The following RSRC1 variants were observed in gnomAD, a reference collection of about 807,000 sequenced individuals.
The protein encoded by RSRC1 is arginine and serine rich coiled-coil 1.
In RSRC1, 39 loss-of-function variants were observed where a neutral mutation model predicts 49.1. That is an observed-to-expected ratio of 0.79 (90% CI 0.61 to 1.04). RSRC1 has a LOEUF of 1.04. Among genes scored for constraint, RSRC1 ranks in the 50% least tolerant of loss-of-function variants. The pLI, the probability that RSRC1 is intolerant of heterozygous loss-of-function variation, is 0.00. For synonymous variants in RSRC1, 143 were observed against 130.8 expected, an observed-to-expected ratio of 1.09 and a Z score of -0.63; for missense variants, 388 against 402.4, an observed-to-expected ratio of 0.96 and a Z score of 0.31.
rs114893830 is a variant in RSRC1, at chr3:158,260,252, C to T, written c.495-37787C>T. ...CCTGTAGTACATACTATTCAGGGCT[C>T]AAAGGCTCTTTAGTTAACAGTTGAT... On this transcript the variant is annotated intron_variant, in intron 4 of 9. Transcript: ENST00000611884. Among the ~76,000 whole-genome samples the T allele has an allele frequency of 4.3e-3, 650 of 152,286 alleles. 4 individuals carry two copies. Among genetic ancestry groups the T allele is most frequent in the African/African-American group, 0.015 (622 of 41,548 alleles).
intron 3 of RSRC1, among the ~76,000 whole-genome samples, chr3:158,160,646 T>C (rs1181232938): frequency 1.3e-5 from 2 of 152,182 alleles, no homozygotes; most frequent in Admixed American, 1.3e-4. Flanking sequence ...ACTACTTTAA[T>C]GGGTGTTTAC....
At position 158,388,603 on chromosome 3, in the gene RSRC1, G is replaced by A. The variant is rs182739047; in HGVS notation, c.583+33695G>A. 1.2e-4 allele frequency among the ~76,000 whole-genome samples: 14 copies of A among 118,552 alleles called. No homozygotes were observed. In the East Asian group the frequency reaches 3.0e-3, roughly 25 times the overall value. 77.8% of individuals were successfully genotyped at this position (118,552 alleles called of 152,430 possible). A position where few individuals can be genotyped will look rare whatever the true frequency, so the allele number is the denominator to read the frequency against. On this transcript the variant is annotated intron_variant, in intron 6 of 9. Coordinates refer to ENST00000611884, the MANE Select transcript of RSRC1 (RefSeq NM_001271838.2). ...AGGCATTTGGGGAGCCAAATTAGCC[G>A]TGTTTTTTGTTTTTTTTTTTTTTTT...
chr3:158,167,895 C>T (rs1226480518), intron 3 of RSRC1, among the ~76,000 whole-genome samples: 3 of 152,110 alleles, frequency 2.0e-5, no homozygotes, highest in Non-Finnish European at 4.4e-5. Flanking sequence ...GGTACAACTA[C>T]GTCAGGAACC....
At chr3:158,504,882 T>G (rs1739781675) in intron 7 of RSRC1, among the ~76,000 whole-genome samples, 1 of 152,228 alleles carries the variant, frequency 6.6e-6, no homozygotes, top group Admixed American at 6.5e-5. Flanking sequence ...CACTAGTTAT[T>G]AAGTGTATTA....
chr3:158,404,805 G>A (rs1734073324), intron 6 of RSRC1, among the ~76,000 whole-genome samples: 1 of 151,852 alleles, frequency 6.6e-6, no homozygotes, highest in African/African-American at 2.4e-5. Context: ...ATGAATACGG[G>A]TTGATTACAT....
intron 6 of RSRC1, among the ~76,000 whole-genome samples, chr3:158,393,745 G>C (rs1053118586): frequency 1.3e-5 from 2 of 151,958 alleles, no homozygotes; most frequent in Non-Finnish European, 2.9e-5. Flanking sequence ...ATAAAGAAGA[G>C]CTGATACTAT....
At chr3:158,467,468 T>G (rs537031817) in intron 7 of RSRC1, among the ~76,000 whole-genome samples, 4 of 152,348 alleles carry the variant, frequency 2.6e-5, no homozygotes, top group Non-Finnish European at 5.9e-5. Flanking sequence ...AGTTACATAG[T>G]GCGTATGAAA....
In RSRC1 at chr3:158,415,813, G is replaced by C. The variant is rs1179223898; in HGVS notation, c.584-45122G>C. On this transcript the variant is annotated intron_variant, in intron 6 of 9. Transcript: ENST00000611884. ...ATTAAAATAAATTATTGTTATAATT[G>C]GTTCATGGAAGTACTCATTAATAGC... Among the ~76,000 whole-genome samples, 3 of 151,796 alleles carry C rather than the reference G, an allele frequency of 2.0e-5. No homozygotes were observed. In the East Asian group the frequency reaches 5.8e-4, roughly 30 times the overall value.
chr3:158,523,496 C>G (rs1033173504), intron 7 of RSRC1, among the ~76,000 whole-genome samples: 3 of 151,840 alleles, frequency 2.0e-5, no homozygotes, highest in African/African-American at 7.3e-5. Context: ...AAAATATAAA[C>G]CTTATCTCTC....
chr3:158,264,553 A>G (rs1021556519), intron 4 of RSRC1, among the ~76,000 whole-genome samples: 3 of 152,146 alleles, frequency 2.0e-5, no homozygotes, highest in Non-Finnish European at 4.4e-5. Flanking sequence ...CACATCTACT[A>G]TGTCCTTTCT....
intron 6 of RSRC1, among the ~76,000 whole-genome samples, chr3:158,365,379 A>G (rs1450876911): frequency 6.0e-5 from 9 of 151,182 alleles, no homozygotes; most frequent in African/African-American, 2.2e-4. Flanking sequence ...ACTCCCACTT[A>G]TGAGTGAGAA....
intron 4 of RSRC1, among the ~76,000 whole-genome samples, chr3:158,242,269 T>C (rs1468769343): frequency 1.3e-5 from 2 of 152,122 alleles, no homozygotes; most frequent in Non-Finnish European, 2.9e-5. Context: ...ATTCTCATCA[T>C]TCAGCTCCCA....
Position 158,174,247 on chromosome 3 carries a change from ATGAGT to A in RSRC1, c.321-28820_321-28816del, listed in dbSNP as rs372912607. 7.2e-3 allele frequency among the ~76,000 whole-genome samples: 1,099 copies of A among 152,082 alleles called. 19 individuals are homozygous for A. The highest frequency in any genetic ancestry group is 0.026 in the African/African-American group (1,065 of 41,552). ...AATGAATGGTTGATTTATTTTTTTA[ATGAGT>A]TGAGCTTTCAAAATTAAATGGAGTC... On this transcript the variant is annotated intron_variant, in intron 3 of 9. Coordinates refer to ENST00000611884, the MANE Select transcript of RSRC1 (RefSeq NM_001271838.2).
intron 1 of RSRC1, among the ~76,000 whole-genome samples, chr3:158,119,373 C>T (rs1715093618): frequency 6.6e-6 from 1 of 152,074 alleles, no homozygotes; most frequent in Non-Finnish European, 1.5e-5. Flanking sequence ...ATCTCATGTT[C>T]CTGTTGTTTT....
At chr3:158,161,813 C>G (rs777071868) in intron 3 of RSRC1, among the ~76,000 whole-genome samples, 1 of 151,938 alleles carries the variant, frequency 6.6e-6, no homozygotes, top group Non-Finnish European at 1.5e-5. Context: ...CAAACAGAAA[C>G]ATGCCTGAAA....
chr3:158,151,001 C>T lies in RSRC1; in HGVS notation c.320+27010C>T, dbSNP rs566189644. Reference sequence around the variant, plus strand: ...ACATCTCTAACTAAATTATATATTCCCTATGAGTATTTTACTTGATATTGC... The same window carrying T: ...ACATCTCTAACTAAATTATATATTCTCTATGAGTATTTTACTTGATATTGC... On this transcript the variant is annotated intron_variant, in intron 3 of 9. Coordinates refer to ENST00000611884, the MANE Select transcript of RSRC1 (RefSeq NM_001271838.2). Among the ~76,000 whole-genome samples, 4 of 152,132 alleles carry T rather than the reference C, an allele frequency of 2.6e-5. No homozygotes were observed. In the South Asian group the frequency reaches 6.2e-4, roughly 24 times the overall value.
At chr3:158,359,750 T>A (rs1201051459) in intron 6 of RSRC1, among the ~76,000 whole-genome samples, 3 of 152,214 alleles carry the variant, frequency 2.0e-5, no homozygotes, top group Non-Finnish European at 4.4e-5. Flanking sequence ...GCAAGGAGCA[T>A]GTCTCAGTCC....
intron 7 of RSRC1, among the ~76,000 whole-genome samples, chr3:158,528,983 T>A (rs1712213863): frequency 6.6e-6 from 1 of 151,834 alleles, no homozygotes; most frequent in East Asian, 1.9e-4. Flanking sequence ...AAGTGACAAT[T>A]TCCTACTTAG....
chr3:158,208,390 G>T (rs1324230869), intron 4 of RSRC1, among the ~76,000 whole-genome samples: 1 of 152,082 alleles, frequency 6.6e-6, no homozygotes, highest in Non-Finnish European at 1.5e-5. Context: ...TAGAGACAGG[G>T]TCTCATTTTG....
Sources: allele counts gnomAD v4.1 joint callset (sites outside exome capture counted in the v4.1 genomes callset), GRCh38; gene constraint gnomAD v4.1.1; transcripts MANE v1.5; gene names NCBI Gene and HGNC (gene_info 2026-07-23, HGNC 2026-07-21).